AKAP6: variants seen among roughly 807,000 people sequenced by gnomAD.
The protein encoded by AKAP6 is A-kinase anchor protein 6.
Under a neutral mutation model 188.5 loss-of-function variants are expected in AKAP6, and 58 were observed. That is an observed-to-expected ratio of 0.31 (90% CI 0.25 to 0.38). AKAP6 has a LOEUF of 0.38. Ranked by LOEUF, AKAP6 falls within the 10% of genes least tolerant of loss-of-function variation. AKAP6 has a pLI of 1.00. For synonymous variants in AKAP6, 989 were observed against 998.6 expected (o/e 0.99, Z 0.18); for missense variants, 2,710 against 2,740.0 (o/e 0.99, Z 0.24).
At chr14:32,792,792 C>G (rs1400756158) in intron 12 of AKAP6, among the ~76,000 whole-genome samples, 4 of 152,154 alleles carry the variant, frequency 2.6e-5, no homozygotes, top group Admixed American at 2.6e-4. Context: ...TATGTTTCAT[C>G]AATACCTAGT....
In AKAP6 at chr14:32,577,251, G is replaced by T. The variant is rs1228667996; in HGVS notation, c.2469+9G>T. 1.2e-6 allele frequency: 2 copies of T among 1,607,452 alleles called. No individual in the cohort carries two copies. Among genetic ancestry groups the T allele is most frequent in the Non-Finnish European group, 1.7e-6 (2 of 1,177,982 alleles). The stretch of plus-strand genomic sequence containing the variant: ...ATCTGGAGACACACTTGGTAGGCAA[G>T]ATTGTGTTGTTCTTGCTGTCAATAA... On this transcript the variant is annotated intron_variant, in intron 5 of 13. Coordinates refer to ENST00000280979, the MANE Select transcript of AKAP6 (RefSeq NM_004274.5).
At chr14:32,419,920 A>G (rs1889784965) in intron 1 of AKAP6, among the ~76,000 whole-genome samples, 1 of 152,158 alleles carries the variant, frequency 6.6e-6, no homozygotes, top group African/African-American at 2.4e-5. Context: ...GAAAAAAAAC[A>G]AAAAATAATG....
intron 2 of AKAP6, among the ~76,000 whole-genome samples, chr14:32,505,940 T>G (rs904131644): frequency 6.6e-6 from 1 of 152,126 alleles, no homozygotes; most frequent in Non-Finnish European, 1.5e-5. Context: ...GGGTCAAGTG[T>G]TGGGTAAGTA....
chr14:32,483,743 C>T (rs1270383392), intron 2 of AKAP6, among the ~76,000 whole-genome samples: 1 of 152,062 alleles, frequency 6.6e-6, no homozygotes, highest in Non-Finnish European at 1.5e-5. Context: ...CTCAGCCTCC[C>T]AAAGTTCTGG....
intron 2 of AKAP6, among the ~76,000 whole-genome samples, chr14:32,521,277 C>T (rs908709491): frequency 6.6e-6 from 1 of 151,990 alleles, no homozygotes; most frequent in Non-Finnish European, 1.5e-5. Flanking sequence ...AAACGGGCAC[C>T]AGACAGGGAT....
At chr14:32,768,936 G>T (rs1181466274) in intron 11 of AKAP6, among the ~76,000 whole-genome samples, 2 of 150,146 alleles carry the variant, frequency 1.3e-5, no homozygotes, top group Non-Finnish European at 3.0e-5. Flanking sequence ...GAGGACCCTT[G>T]TTGTAGAAAA....
chr14:32,777,647 G>GA (rs1013919401), intron 12 of AKAP6, among the ~76,000 whole-genome samples: 2 of 152,034 alleles, frequency 1.3e-5, no homozygotes, highest in Non-Finnish European at 1.5e-5. Flanking sequence ...GAAGCAGAAA[G>GA]AAAAAAAGAC....
rs796571047 is a variant in AKAP6, at chr14:32,833,489, ATT to A, written c.*3686_*3687del. ...TGGTTTTAATTACAGAAAGAAAAAT[ATT>A]TGTTAGATTTCTGGTCACTGAATAA... On this transcript the variant is annotated 3_prime_UTR_variant, in exon 14 of 14. Transcript: ENST00000280979. The A allele has an allele frequency of 1.3e-4, 20 of 152,348 alleles. No homozygotes were observed. The highest frequency in any genetic ancestry group is 4.8e-4 in the African/African-American group (20 of 41,580). The allele number at this position is 152,348 out of a possible 1,614,324, so 9.4% of individuals were successfully genotyped here.
At chr14:32,522,771 A>G (rs1881910542) in intron 2 of AKAP6, among the ~76,000 whole-genome samples, 1 of 152,202 alleles carries the variant, frequency 6.6e-6, no homozygotes, top group Admixed American at 6.5e-5. Context: ...CCGTTGTGGA[A>G]GACAGTGTGG....
chr14:32,466,470 G>C (rs866235169), intron 2 of AKAP6, among the ~76,000 whole-genome samples: 1 of 151,980 alleles, frequency 6.6e-6, no homozygotes. Context: ...GCAAACTAAC[G>C]CAGGAACAGA....
chr14:32,574,268 A>C (rs1365903603), intron 4 of AKAP6, among the ~76,000 whole-genome samples: 2 of 152,180 alleles, frequency 1.3e-5, no homozygotes, highest in African/African-American at 2.4e-5. Flanking sequence ...TGAGGGTGGG[A>C]TATAACTCAG....
chr14:32,823,159 T>C lies in AKAP6; in HGVS notation c.5346T>C (p.Asp1782=). 1 of 1,613,676 alleles carries C rather than the reference T, an allele frequency of 6.2e-7. No homozygotes were observed. Among genetic ancestry groups the C allele is most frequent in the Non-Finnish European group, 8.5e-7 (1 of 1,179,856 alleles). The change falls in exon 13 of 14, where the codon GAT becomes GAC. Residue 1782 remains aspartate, a synonymous_variant. Transcript: ENST00000280979. The part of the protein sequence containing the change: ...DEDDDSSIAT[D]DEIYEDCTLM... ...ATGACGACTCCAGTATTGCAACAGA[T>C]GATGAAATTTATGAAGACTGCACCT... is the stretch of plus-strand genomic sequence containing the variant.
intron 7 of AKAP6, among the ~76,000 whole-genome samples, chr14:32,608,767 G>C (rs1446454380): frequency 1.3e-5 from 2 of 152,142 alleles, no homozygotes; most frequent in African/African-American, 4.8e-5. Context: ...TCTGTGGAAA[G>C]CAGCCATTTT....
At chr14:32,382,735 G>A (rs999699604) in intron 1 of AKAP6, among the ~76,000 whole-genome samples, 20 of 152,172 alleles carry the variant, frequency 1.3e-4, no homozygotes, top group Admixed American at 1.2e-3. Context: ...GTGGTAGATG[G>A]GGAGTGTGGA....
At chr14:32,408,141 G>A (rs1594584822) in intron 1 of AKAP6, among the ~76,000 whole-genome samples, 1 of 141,372 alleles carries the variant, frequency 7.1e-6, no homozygotes. Flanking sequence ...ATTTCTGTTT[G>A]CCACACCATG....
chr14:32,395,731 T>C (rs762176783), intron 1 of AKAP6, among the ~76,000 whole-genome samples: 1 of 152,226 alleles, frequency 6.6e-6, no homozygotes, highest in Admixed American at 6.5e-5. Flanking sequence ...CTCAAAACTT[T>C]CCTGGGTTAC....
At chr14:32,420,909 T>TTTTGTGTGTGTGTGTG (rs1555327187) in intron 1 of AKAP6, among the ~76,000 whole-genome samples, 359 of 146,520 alleles carry the variant, frequency 2.5e-3, no homozygotes, top group Middle Eastern at 7.1e-3. Context: ...GGAGATTGAT[T>TTTTGTGTGTGTGTGTG]TGTGTGTGTG....
At chr14:32,730,058 G>A (rs1398348358) in intron 9 of AKAP6, among the ~76,000 whole-genome samples, 2 of 152,056 alleles carry the variant, frequency 1.3e-5, no homozygotes, top group African/African-American at 4.8e-5. Context: ...AAACATACTA[G>A]CATCAACAAA....
At chr14:32,807,653 A>G (rs1470146946) in intron 12 of AKAP6, among the ~76,000 whole-genome samples, 1 of 152,082 alleles carries the variant, frequency 6.6e-6, no homozygotes, top group African/African-American at 2.4e-5. Context: ...TATCTCACCT[A>G]TTTTTTCTTG....
Sources: allele counts gnomAD v4.1 joint callset (sites outside exome capture counted in the v4.1 genomes callset), GRCh38; gene constraint gnomAD v4.1.1; transcripts MANE v1.5; gene names NCBI Gene and HGNC (gene_info 2026-07-23, HGNC 2026-07-21).